The following NEAT1 variants were observed in gnomAD, a reference collection of about 807,000 sequenced individuals.
NEAT1 encodes MENepsilon/beta.
chr11:65,428,195 G>C (rs1856580855), exon 1 of NEAT1: 1 of 152,244 alleles, frequency 6.6e-6, no homozygotes, highest in East Asian at 1.9e-4. Flanking sequence ...AGAATTCAGT[G>C]AGTGGGCATG....
At chr11:65,425,990 C>G (rs749669642) in exon 1 of NEAT1, 1 of 151,996 alleles carries the variant, frequency 6.6e-6, no homozygotes, top group Middle Eastern at 3.2e-3. Context: ...GAAACTATCA[C>G]CTAAAATCAG....
exon 1 of NEAT1, chr11:65,440,713 T>C (rs1856706149): frequency 6.7e-6 from 1 of 150,316 alleles, no homozygotes; most frequent in Non-Finnish European, 1.5e-5. Flanking sequence ...GGTGTGGTGG[T>C]GGGTGCCTGT....
exon 1 of NEAT1, chr11:65,430,205 C>T (rs981292400): frequency 8.5e-5 from 13 of 152,418 alleles, no homozygotes; most frequent in African/African-American, 3.1e-4. Flanking sequence ...AGTGAACTCT[C>T]CTGCCTCTGC....
exon 1 of NEAT1, chr11:65,429,831 T>A (rs1285054355): frequency 6.6e-6 from 1 of 152,182 alleles, no homozygotes; most frequent in African/African-American, 2.4e-5. Context: ...CCGTGGTGTG[T>A]GTTGTGGAAT....
At chr11:65,437,509 A>G (rs541934486) in exon 1 of NEAT1, 11 of 152,078 alleles carry the variant, frequency 7.2e-5, no homozygotes, top group Non-Finnish European at 1.5e-4. Flanking sequence ...ATGGTTTTAC[A>G]TAGTGTAATC....
At chr11:65,428,041 T>G (rs550127206) in exon 1 of NEAT1, 1 of 152,304 alleles carries the variant, frequency 6.6e-6, no homozygotes, top group South Asian at 2.1e-4. Flanking sequence ...GGCCACATTC[T>G]TTGCCTTCAT....
exon 1 of NEAT1, chr11:65,425,654 T>C (rs1356952353): frequency 6.6e-6 from 1 of 152,188 alleles, no homozygotes; most frequent in Non-Finnish European, 1.5e-5. Context: ...GATTTGTTCC[T>C]CATTTGTCAC....
chr11:65,432,992 T>C (rs1204410574), exon 1 of NEAT1: 1 of 149,602 alleles, frequency 6.7e-6, no homozygotes, highest in Non-Finnish European at 1.5e-5. Context: ...ATCCTCCAGC[T>C]CCATCCAAAA....
At chr11:65,436,175 T>C (rs1426227705) in exon 1 of NEAT1, 1 of 152,248 alleles carries the variant, frequency 6.6e-6, no homozygotes, top group Non-Finnish European at 1.5e-5. Context: ...AGCAGAACAT[T>C]GTACACAGCG....
chr11:65,423,830 G>A (rs1268404494), exon 1 of NEAT1: 1 of 152,288 alleles, frequency 6.6e-6, no homozygotes, highest in African/African-American at 2.4e-5. Flanking sequence ...TTCCCGCTGA[G>A]GCTGGGGTGG....
chr11:65,424,591 C>T (rs1263920250), exon 1 of NEAT1: 2 of 152,112 alleles, frequency 1.3e-5, no homozygotes, highest in Admixed American at 6.6e-5. Context: ...ATGCCTTAGA[C>T]TGGGGATATA....
chr11:65,433,297 T>TA (rs1291131748), exon 1 of NEAT1: 2 of 152,206 alleles, frequency 1.3e-5, no homozygotes, highest in Non-Finnish European at 2.9e-5. Flanking sequence ...TTGTTGTTAA[T>TA]AAAATGCAAT....
At chr11:65,424,768 T>C (rs975595294) in exon 1 of NEAT1, 2 of 152,202 alleles carry the variant, frequency 1.3e-5, no homozygotes, top group Non-Finnish European at 2.9e-5. Context: ...GGTACACCGG[T>C]AGTGCTCTTT....
At chr11:65,429,126 T>G (rs955336442) in exon 1 of NEAT1, 3 of 152,210 alleles carry the variant, frequency 2.0e-5, no homozygotes, top group African/African-American at 7.2e-5. Flanking sequence ...TCTAGTTTTT[T>G]TTTCCTCTTA....
At chr11:65,425,755 C>G (rs1020242239) in exon 1 of NEAT1, 10 of 151,974 alleles carry the variant, frequency 6.6e-5, no homozygotes, top group African/African-American at 2.4e-4. Flanking sequence ...AGAAACACAT[C>G]TGTTGTCTTT....
exon 1 of NEAT1, chr11:65,434,644 T>G (rs528395164): frequency 6.6e-6 from 1 of 152,294 alleles, no homozygotes; most frequent in African/African-American, 2.4e-5. Context: ...CAACCCCTTG[T>G]GCACAATGCA....
chr11:65,437,275 G>A (rs1261638712), exon 1 of NEAT1: 1 of 141,088 alleles, frequency 7.1e-6, no homozygotes, highest in African/African-American at 2.6e-5. Flanking sequence ...ATGGTTCCTG[G>A]ATTTTGTGAG....
chr11:65,439,270 T>C (rs1414515986), exon 1 of NEAT1: 2 of 152,210 alleles, frequency 1.3e-5, no homozygotes, highest in African/African-American at 2.4e-5. Flanking sequence ...TCTTTATATA[T>C]TCTGGATTCT....
At chr11:65,439,053 T>A (rs1856691058) in exon 1 of NEAT1, 1 of 152,224 alleles carries the variant, frequency 6.6e-6, no homozygotes, top group South Asian at 2.1e-4. Flanking sequence ...CTAGTTATTA[T>A]CTGACTTTCT....
Sources: allele counts gnomAD v4.1 joint callset, GRCh38; gene constraint gnomAD v4.1.1; transcripts MANE v1.5; gene names NCBI Gene and HGNC (gene_info 2026-07-23, HGNC 2026-07-21).